Variants in USP47 observed in about 807,000 individuals in gnomAD.
The protein encoded by USP47 is ubiquitin carboxyl-terminal hydrolase 47.
A neutral mutation model predicts 165.1 loss-of-function variants in USP47; 35 were observed. The ratio of observed to expected loss-of-function variants is 0.21; its 90% CI spans 0.16 to 0.28. The LOEUF (loss-of-function observed/expected upper bound fraction) is 0.28. USP47 is among the 10% of genes least tolerant of loss of function. The pLI, the probability that USP47 is intolerant of heterozygous loss-of-function variation, is 1.00. For synonymous variants in USP47, 531 were observed against 544.5 expected (o/e 0.98, Z 0.35); for missense variants, 1,277 against 1,607.4 (o/e 0.79, Z 3.52).
chr11:11,887,706 C>A (rs1851252319), intron 3 of USP47, among the ~76,000 whole-genome samples: 1 of 152,158 alleles, frequency 6.6e-6, no homozygotes, highest in South Asian at 2.1e-4. Context: ...TACCTAAACT[C>A]AGCTCTGGAT....
Position 11,942,759 on chromosome 11 carries a change from C to T in USP47, c.2738C>T (p.Ser913Phe), listed in dbSNP as rs776626599. Reference protein sequence around the residue: ...NRELEQHIQTSDPENFQSEER... With the variant: ...NRELEQHIQTFDPENFQSEER... ...GAACTTGAACAGCATATTCAGACTT[C>T]TGATCCAGAAAATTTTCAGTCTGAA... Residue 913 changes from serine (S) to phenylalanine (F), a missense_variant, in exon 20 of 28, where the codon TCT becomes TTT. By Grantham distance (155) the Ser-to-Phe change is radical. Coordinates refer to ENST00000527733, the MANE Select transcript of USP47 (RefSeq NM_001282659.2). The T allele has an allele frequency of 1.2e-6, 2 of 1,613,542 alleles. No homozygotes were observed. The highest frequency in any genetic ancestry group is 3.3e-5 in the Admixed American group (2 of 59,912).
intron 1 of USP47, among the ~76,000 whole-genome samples, chr11:11,873,224 A>G (rs1261683804): frequency 6.6e-6 from 1 of 152,208 alleles, no homozygotes; most frequent in Non-Finnish European, 1.5e-5. Context: ...ATAAGACAAA[A>G]TATGTACAGA....
chr11:11,898,845 G>A (rs1017985491), intron 5 of USP47, among the ~76,000 whole-genome samples: 1 of 152,168 alleles, frequency 6.6e-6, no homozygotes, highest in Admixed American at 6.5e-5. Context: ...AAAAGTGAAA[G>A]TGAATAATAG....
At chr11:11,875,693 T>A in intron 1 of USP47, among the ~76,000 whole-genome samples, 1 of 152,168 alleles carries the variant, frequency 6.6e-6, no homozygotes, top group Non-Finnish European at 1.5e-5. Context: ...AAACTCTACC[T>A]CCCAGGTTCA....
intron 5 of USP47, among the ~76,000 whole-genome samples, chr11:11,898,367 T>C (rs1433002936): frequency 2.0e-5 from 3 of 152,174 alleles, no homozygotes; most frequent in African/African-American, 7.2e-5. Context: ...TGATTTTTTT[T>C]TCCTTTTTTG....
chr11:11,936,526 C>T lies in USP47; in HGVS notation c.2077+16C>T. 6.5e-7 allele frequency: 1 copy of T among 1,543,956 alleles called. No individual in the cohort carries two copies. Among genetic ancestry groups the T allele is most frequent in the Non-Finnish European group, 8.8e-7 (1 of 1,138,512 alleles). On this transcript the variant is annotated intron_variant, in intron 17 of 27. Transcript: ENST00000527733. ...AAACCTGGAGGTGAGCAATTTTACACTATTTTTAGTTGTTCTGTACTTAGA... is the reference window on the plus strand; with the variant it reads ...AAACCTGGAGGTGAGCAATTTTACATTATTTTTAGTTGTTCTGTACTTAGA...
At chr11:11,948,914 A>T (rs1856032582) in intron 22 of USP47, 1 of 198,196 alleles carries the variant, frequency 5.0e-6, no homozygotes, top group South Asian at 1.2e-4. Context: ...AAAGGAAAAG[A>T]AATTTTTTTG....
In USP47 at chr11:11,905,484, A is replaced by T; in HGVS notation, c.905A>T (p.Asp302Val). Residue 302 changes from aspartate to valine, a missense_variant, in exon 8 of 28, where the codon GAC becomes GTC. Physicochemically the swap from Asp to Val is radical, Grantham distance 152. Transcript: ENST00000527733. ...TGTGGTTATGAGGGCTGGCGAATCGACACATATCTTGATATTCCATTGGTC... is the reference window on the plus strand; with the variant it reads ...TGTGGTTATGAGGGCTGGCGAATCGTCACATATCTTGATATTCCATTGGTC... ...LECGYEGWRIDTYLDIPLVIR... is the reference protein window; with the variant it reads ...LECGYEGWRIVTYLDIPLVIR... 6.2e-7 allele frequency: 1 copy of T among 1,610,684 alleles called. No homozygotes were observed. The highest frequency in any genetic ancestry group is 8.5e-7 in the Non-Finnish European group (1 of 1,177,602).
At position 11,849,614 on chromosome 11, in the gene USP47, A is replaced by AGG. The variant is rs562421638; in HGVS notation, c.39+7392_39+7393dup. ...TTGACTTCGTGAGAAGCTCTTTCCC[A>AGG]GGGCCTTCTGACCTACTCCAGTTTG... On this transcript the variant is annotated intron_variant, in intron 1 of 27. Coordinates refer to ENST00000527733, the MANE Select transcript of USP47 (RefSeq NM_001282659.2). Among the ~76,000 whole-genome samples, 417 of 152,300 alleles carry AGG rather than the reference A, an allele frequency of 2.7e-3. 2 individuals are homozygous for AGG. In the South Asian group the frequency reaches 0.034, roughly 12 times the overall value.
Position 11,957,391 on chromosome 11 carries a change from A to G in USP47, c.*1216A>G, listed in dbSNP as rs1847252565. On this transcript the variant is annotated 3_prime_UTR_variant, in exon 28 of 28. Transcript: ENST00000527733. ...CTAAATAAAAGTACTCAATGAACAC[A>G]ATTCTACATAAATTTTGACATACCA... 6.6e-6 allele frequency: 1 copy of G among 152,658 alleles called. No homozygotes were observed. Among genetic ancestry groups the G allele is most frequent in the African/African-American group, 2.4e-5 (1 of 41,446 alleles). The allele number at this position is 152,658 out of a possible 1,614,324, so 9.5% of individuals were successfully genotyped here.
At chr11:11,845,786 T>C (rs1433574043) in intron 1 of USP47, among the ~76,000 whole-genome samples, 1 of 152,242 alleles carries the variant, frequency 6.6e-6, no homozygotes, top group African/African-American at 2.4e-5. Context: ...TACATACTTC[T>C]ATGACTAATC....
intron 17 of USP47, 131 bp downstream of exon 17, chr11:11,936,641 G>A (rs1188860251): frequency 2.8e-6 from 2 of 706,584 alleles, no homozygotes; most frequent in Admixed American, 3.3e-5. Flanking sequence ...AATTTTGACA[G>A]GTTGAGAAGT....
At position 11,920,455 on chromosome 11, in the gene USP47, G is replaced by A. The variant is rs777205788; in HGVS notation, c.1179G>A (p.Glu393=). The part of the protein sequence containing the change: ...IKLNDRMTFP[E]ELDMSTFIDV... ...TGAATGATCGAATGACATTTCCCGA[G>A]GAACTAGATATGAGTACTTTTATTG... Residue 393 remains glutamate, a synonymous_variant, in exon 10 of 28, where the codon GAG becomes GAA. Transcript: ENST00000527733. 1.2e-6 allele frequency: 2 copies of A among 1,610,324 alleles called. No homozygotes were observed. The highest frequency in any genetic ancestry group is 8.5e-7 in the Non-Finnish European group (1 of 1,177,966).
chr11:11,920,577 C>T (rs1268436401), intron 10 of USP47, 83 bp downstream of exon 10: 4 of 1,284,910 alleles, frequency 3.1e-6, no homozygotes, highest in Non-Finnish European at 4.2e-6. Context: ...GAGGTAATAA[C>T]ACTGATGTCA....
intron 7 of USP47, 28 bp from the exon 8 acceptor site, chr11:11,905,371 C>T: frequency 6.5e-7 from 1 of 1,535,002 alleles, no homozygotes. Context: ...TTAAGGAACA[C>T]TTAAAAATGT....
chr11:11,887,209 A>C lies in USP47; in HGVS notation c.357+2629A>C, dbSNP rs186680208. Among the ~76,000 whole-genome samples, 118 of 152,298 alleles carry C rather than the reference A, an allele frequency of 7.7e-4. 2 individuals carry two copies. The Middle Eastern group carries it at 0.014, about 18-fold the overall frequency. On this transcript the variant is annotated intron_variant, in intron 3 of 27. Coordinates refer to ENST00000527733, the MANE Select transcript of USP47 (RefSeq NM_001282659.2). ...AGCCAGCTAGCATCATGATGACAGT[A>C]TCAAATTTGCACATAATATTACTAA...
rs187756695 is a variant in USP47, at chr11:11,913,424, A to G, written c.970-6732A>G. 4.6e-5 allele frequency among the ~76,000 whole-genome samples: 7 copies of G among 152,088 alleles called. No homozygotes were observed. In the East Asian group the frequency reaches 9.6e-4, roughly 21 times the overall value. On this transcript the variant is annotated intron_variant, in intron 8 of 27. Coordinates refer to ENST00000527733, the MANE Select transcript of USP47 (RefSeq NM_001282659.2). ...ATTTATAATTTTGCAAAAAGAAAAA[A>G]GATGGAAATCCAACAAAAAATGTAC...
Position 11,957,842 on chromosome 11 carries a change from A to C in USP47, c.*1667A>C, listed in dbSNP as rs1284610118. 3.3e-5 allele frequency: 5 copies of C among 152,080 alleles called. No individual in the cohort carries two copies. The highest frequency in any genetic ancestry group is 1.2e-4 in the African/African-American group (5 of 41,404). 9.4% of individuals were successfully genotyped at this position (152,080 alleles called of 1,614,324 possible). ...ATGTCTTAAAAGTCTCCTGGAATCC[A>C]CAATGAAAAAAAAAATCTTTTCTAA... On this transcript the variant is annotated 3_prime_UTR_variant, in exon 28 of 28. Coordinates refer to ENST00000527733, the MANE Select transcript of USP47 (RefSeq NM_001282659.2).
intron 4 of USP47, 82 bp from the exon 5 acceptor site, chr11:11,897,515 A>C: frequency 1.9e-6 from 2 of 1,034,140 alleles, no homozygotes; most frequent in Non-Finnish European, 2.8e-6. Flanking sequence ...CTGAATCTTT[A>C]CTGTGAATTA....
Sources: gnomAD v4.1 joint callset for allele counts (sites outside exome capture counted in the v4.1 genomes callset) on GRCh38, gnomAD v4.1.1 for gene constraint, MANE v1.5 for transcripts, NCBI Gene and HGNC (gene_info 2026-07-23, HGNC 2026-07-21) for gene names.